The following CADM1 variants were observed in gnomAD, a reference collection of about 807,000 sequenced individuals.
The protein encoded by CADM1 is cell adhesion molecule 1, also known as TSLC-1.
In CADM1, 15 loss-of-function variants were observed where a neutral mutation model predicts 53.1. The ratio of observed to expected loss-of-function variants is 0.28; its 90% CI spans 0.19 to 0.44. The LOEUF (loss-of-function observed/expected upper bound fraction) is 0.44, where lower values mean the gene tolerates loss of function less well. Ranked by LOEUF, CADM1 falls within the 20% of genes least tolerant of loss-of-function variation. The probability of loss-of-function intolerance (pLI) is 1.00; values close to 1 mark genes in which losing one functional copy is unlikely to be tolerated. For missense variants in CADM1, 434 were observed against 611.3 expected (o/e 0.71, Z 3.06); for synonymous variants, 281 against 243.0 (o/e 1.16, Z -1.45).
intron 1 of CADM1, chr11:115,377,605 C>T (rs1364177478): frequency 6.6e-6 from 1 of 152,144 alleles, no homozygotes; most frequent in East Asian, 1.9e-4. Flanking sequence ...CGCCAAAGCT[C>T]AGTAGTCATT....
At chr11:115,195,226 C>A (rs1940089203) in intron 9 of CADM1, among the ~76,000 whole-genome samples, 1 of 152,184 alleles carries the variant, frequency 6.6e-6, no homozygotes, top group Non-Finnish European at 1.5e-5. Flanking sequence ...AGAAAATCCA[C>A]TTGATTTTGA....
In CADM1 at chr11:115,237,250, A is replaced by G. The variant is rs1358716564; in HGVS notation, c.424+1250T>C. Reference sequence around the variant, plus strand: ...AACCTCCCATGCTTACTATTTCTACAGGTCTAATCTGGAGTAAAACCACAA... The same window carrying G: ...AACCTCCCATGCTTACTATTTCTACGGGTCTAATCTGGAGTAAAACCACAA... On this transcript the variant is annotated intron_variant, in intron 3 of 11. Transcript: ENST00000331581. Among the ~76,000 whole-genome samples, 3 of 152,228 alleles carry G rather than the reference A, an allele frequency of 2.0e-5. No individual in the cohort carries two copies. The East Asian group carries it at 5.8e-4, about 29-fold the overall frequency.
At chr11:115,446,034 T>C (rs1243758412) in intron 1 of CADM1, among the ~76,000 whole-genome samples, 1 of 152,200 alleles carries the variant, frequency 6.6e-6, no homozygotes, top group Admixed American at 6.5e-5. Context: ...TATTACTAAG[T>C]GCCTGTTAGA....
At chr11:115,409,278 A>G (rs1314951908) in intron 1 of CADM1, among the ~76,000 whole-genome samples, 1 of 152,234 alleles carries the variant, frequency 6.6e-6, no homozygotes, top group African/African-American at 2.4e-5. Flanking sequence ...ACCTCTCTAC[A>G]TAACACACAA....
intron 1 of CADM1, among the ~76,000 whole-genome samples, chr11:115,304,045 G>A (rs914508983): frequency 1.3e-5 from 2 of 152,000 alleles, no homozygotes; most frequent in Non-Finnish European, 2.9e-5. Flanking sequence ...GCTTCTATAG[G>A]AAAGTGACCA....
chr11:115,201,337 A>G (rs914703895), intron 8 of CADM1, among the ~76,000 whole-genome samples: 2 of 152,182 alleles, frequency 1.3e-5, no homozygotes, highest in African/African-American at 4.8e-5. Flanking sequence ...TTTTCAAGTA[A>G]AGAATTAAGA....
intron 8 of CADM1, among the ~76,000 whole-genome samples, chr11:115,204,616 T>A (rs540188271): frequency 6.6e-6 from 1 of 152,196 alleles, no homozygotes; most frequent in African/African-American, 2.4e-5. Flanking sequence ...AAGCTCTCTA[T>A]CATCATTTAG....
chr11:115,365,574 C>G (rs1946136098), intron 1 of CADM1, among the ~76,000 whole-genome samples: 1 of 151,858 alleles, frequency 6.6e-6, no homozygotes, highest in Non-Finnish European at 1.5e-5. Flanking sequence ...TATATATATA[C>G]AGATTTAATA....
At chr11:115,210,543 A>C (rs1591607499) in intron 7 of CADM1, among the ~76,000 whole-genome samples, 1 of 152,226 alleles carries the variant, frequency 6.6e-6, no homozygotes, top group African/African-American at 2.4e-5. Flanking sequence ...TTCTAAGCCC[A>C]AATGATCAAA....
rs1163352563 is a variant in CADM1, at chr11:115,504,407, C to G, written c.-13G>C. The G allele has an allele frequency of 1.8e-5, 28 of 1,543,860 alleles. No individual in the cohort carries two copies. The highest frequency in any genetic ancestry group is 2.4e-5 in the South Asian group (2 of 83,926). ...CTACACTCGCCATGTCGGGCACCTG[C>G]CTCAGACTGGCGGCGTTGGCTGCCT... On this transcript the variant is annotated 5_prime_UTR_variant, in exon 1 of 12. Transcript: ENST00000331581.
At chr11:115,427,759 A>G (rs1192107821) in intron 1 of CADM1, among the ~76,000 whole-genome samples, 1 of 152,144 alleles carries the variant, frequency 6.6e-6, no homozygotes, top group African/African-American at 2.4e-5. Context: ...CTGTAATCCC[A>G]GCACTTTGGG....
chr11:115,186,099 C>T (rs1425794197), intron 10 of CADM1, among the ~76,000 whole-genome samples: 3 of 152,186 alleles, frequency 2.0e-5, no homozygotes, highest in East Asian at 1.9e-4. Flanking sequence ...TCAAACACAT[C>T]GTGGGGAAGT....
intron 1 of CADM1, among the ~76,000 whole-genome samples, chr11:115,358,751 G>C (rs1945946386): frequency 2.6e-5 from 4 of 152,088 alleles, no homozygotes; most frequent in Admixed American, 2.6e-4. Context: ...ACTGTACGTA[G>C]ACCTGTACCT....
intron 1 of CADM1, among the ~76,000 whole-genome samples, chr11:115,278,910 T>C (rs1405226476): frequency 6.6e-6 from 1 of 152,088 alleles, no homozygotes; most frequent in Non-Finnish European, 1.5e-5. Flanking sequence ...AATGCCAAGA[T>C]TGAGTCTGGA....
At position 115,298,410 on chromosome 11, in the gene CADM1, G is replaced by A. The variant is rs540466285; in HGVS notation, c.125-57990C>T. Among the ~76,000 whole-genome samples, 13 of 152,300 alleles carry A rather than the reference G, an allele frequency of 8.5e-5. No individual in the cohort carries two copies. In the East Asian group the frequency reaches 2.3e-3, roughly 27 times the overall value. ...GGGAAGGAGGCAGGAAGAGAAAGAC[G>A]ATGAGACCCAGTCACTAGATCCTAT... On this transcript the variant is annotated intron_variant, in intron 1 of 11. Coordinates refer to ENST00000331581, the MANE Select transcript of CADM1 (RefSeq NM_001301043.2).
At chr11:115,279,511 G>T (rs1451653943) in intron 1 of CADM1, among the ~76,000 whole-genome samples, 1 of 152,114 alleles carries the variant, frequency 6.6e-6, no homozygotes, top group African/African-American at 2.4e-5. Context: ...CCAGGGATTT[G>T]TACAATAGAT....
intron 1 of CADM1, among the ~76,000 whole-genome samples, chr11:115,439,685 T>C (rs1264781820): frequency 2.0e-5 from 3 of 152,266 alleles, no homozygotes; most frequent in South Asian, 2.1e-4. Flanking sequence ...CTACGGGAAA[T>C]TGTCAGGTCG....
chr11:115,464,253 T>G (rs911293712), intron 1 of CADM1, among the ~76,000 whole-genome samples: 1 of 152,236 alleles, frequency 6.6e-6, no homozygotes, highest in Non-Finnish European at 1.5e-5. Context: ...AAGTATGTTA[T>G]AGGTGCGTGT....
chr11:115,420,163 T>A (rs1239281999), intron 1 of CADM1, among the ~76,000 whole-genome samples: 1 of 152,168 alleles, frequency 6.6e-6, no homozygotes, highest in South Asian at 2.1e-4. Flanking sequence ...TAAGCTCCTC[T>A]GAAACATACC....
Sources: allele counts gnomAD v4.1 joint callset (sites outside exome capture counted in the v4.1 genomes callset), GRCh38; gene constraint gnomAD v4.1.1; transcripts MANE v1.5; gene names NCBI Gene and HGNC (gene_info 2026-07-23, HGNC 2026-07-21).